BCAP29: variants seen among roughly 807,000 people sequenced by gnomAD.
BCAP29 encodes B-cell receptor-associated protein 29.
Under a neutral mutation model 31.8 loss-of-function variants are expected in BCAP29, and 34 were observed. The ratio of observed to expected loss-of-function variants is 1.07; its 90% CI spans 0.81 to 1.42. The LOEUF (loss-of-function observed/expected upper bound fraction) is 1.42, where lower values mean the gene tolerates loss of function less well. BCAP29 is among the 40% of genes most tolerant of loss of function. The pLI is 0.00. For synonymous variants in BCAP29, 104 were observed against 91.3 expected, an observed-to-expected ratio of 1.14 and a Z score of -0.79; for missense variants, 314 against 269.2, an observed-to-expected ratio of 1.17 and a Z score of -1.16.
At chr7:107,600,258 A>C (rs1337159790) in intron 5 of BCAP29, 139 bp from the exon 6 acceptor site, 1 of 685,592 alleles carries the variant, frequency 1.5e-6, no homozygotes, top group Non-Finnish European at 2.6e-6. Context: ...TACATTGTAG[A>C]AAACTATAAA....
intron 3 of BCAP29, among the ~76,000 whole-genome samples, chr7:107,588,153 GT>G (rs1237964978): frequency 1.3e-5 from 2 of 152,304 alleles, no homozygotes; most frequent in Non-Finnish European, 2.9e-5. Context: ...TTTAAAAGCT[GT>G]TTTATGTATA....
chr7:107,607,635 C>CTTTTTT (rs57817003), intron 6 of BCAP29, among the ~76,000 whole-genome samples: 8 of 132,602 alleles, frequency 6.0e-5, no homozygotes, highest in South Asian at 2.4e-4. Flanking sequence ...CTTTCTTTTT[C>CTTTTTT]TTTTTTTTTT....
intron 7 of BCAP29, among the ~76,000 whole-genome samples, chr7:107,617,733 G>T (rs1037643882): frequency 6.6e-6 from 1 of 152,184 alleles, no homozygotes; most frequent in Non-Finnish European, 1.5e-5. Context: ...TTAATGTTCA[G>T]CCTGAACAAG....
downstream of BCAP29, chr7:107,622,149 ACCT>A (rs1257467132): frequency 3.0e-6 from 1 of 337,796 alleles, no homozygotes; most frequent in African/African-American, 2.1e-5. Flanking sequence ...GACTATGACG[ACCT>A]CCTCATCTCC....
intron 5 of BCAP29, among the ~76,000 whole-genome samples, chr7:107,598,615 A>G (rs1210223067): frequency 6.6e-6 from 1 of 152,168 alleles, no homozygotes; most frequent in African/African-American, 2.4e-5. Context: ...CATTGTAAAA[A>G]TATTTGCATG....
intron 5 of BCAP29, 173 bp from the exon 6 acceptor site, chr7:107,600,224 A>T (rs1006694456): frequency 1.6e-6 from 1 of 645,012 alleles, no homozygotes. Context: ...TGTTTCCCAA[A>T]TATTAAGTTT....
chr7:107,614,779 G>A (rs1432950088), intron 7 of BCAP29, among the ~76,000 whole-genome samples: 1 of 152,176 alleles, frequency 6.6e-6, no homozygotes, highest in African/African-American at 2.4e-5. Flanking sequence ...GGACACTGAG[G>A]GCTCAGTTCA....
At chr7:107,585,807 G>A (rs1043908335) in intron 3 of BCAP29, among the ~76,000 whole-genome samples, 7 of 152,058 alleles carry the variant, frequency 4.6e-5, no homozygotes, top group Non-Finnish European at 5.9e-5. Context: ...CTTGGCCAAC[G>A]TGGTGAAACC....
chr7:107,610,747 A>C (rs1812970945), intron 6 of BCAP29, among the ~76,000 whole-genome samples: 1 of 152,218 alleles, frequency 6.6e-6, no homozygotes, highest in Middle Eastern at 3.2e-3. Flanking sequence ...AGAAACTCCT[A>C]GATAGGCTGT....
intron 1 of BCAP29, 161 bp from the exon 2 acceptor site, chr7:107,580,598 G>T: frequency 1.8e-6 from 1 of 545,076 alleles, no homozygotes; most frequent in South Asian, 2.5e-5. Context: ...CCGCTTCCCG[G>T]GCCACCCTTT....
intron 3 of BCAP29, chr7:107,587,541 T>C (rs558510276): frequency 6.6e-6 from 1 of 152,288 alleles, no homozygotes; most frequent in South Asian, 2.1e-4. Flanking sequence ...ATATATTATC[T>C]TTGTTGGTTT....
At chr7:107,580,713 T>A (rs1212299843) in intron 1 of BCAP29, 46 bp from the exon 2 acceptor site, 2 of 1,409,458 alleles carry the variant, frequency 1.4e-6, no homozygotes, top group Non-Finnish European at 9.8e-7. Flanking sequence ...TTGAACCCGG[T>A]TTTGTTTGAA....
chr7:107,583,682 T>C (rs1187660006), intron 2 of BCAP29, among the ~76,000 whole-genome samples, 200 bp from the exon 3 acceptor site: 2 of 152,120 alleles, frequency 1.3e-5, no homozygotes, highest in Non-Finnish European at 2.9e-5. Flanking sequence ...TAATCAAATA[T>C]CAGGTTATTA....
intron 2 of BCAP29, among the ~76,000 whole-genome samples, chr7:107,582,654 G>C (rs1316936389): frequency 6.6e-6 from 1 of 152,084 alleles, no homozygotes; most frequent in African/African-American, 2.4e-5. Flanking sequence ...AATTAAATGA[G>C]ATAAAACATG....
chr7:107,620,450 CATAA>C lies in BCAP29; in HGVS notation c.*2095_*2098del, dbSNP rs1288825379. ...TGGTGGTGTTTAGCAAATTGTATTA[CATAA>C]ATAAATATTTATTTCATGGATTGAG... is the stretch of plus-strand genomic sequence containing the variant. On this transcript the variant is annotated 3_prime_UTR_variant, in exon 8 of 8. Transcript: ENST00000005259. 1 of 152,296 alleles carries C rather than the reference CATAA, an allele frequency of 6.6e-6. No homozygotes were observed. The highest frequency in any genetic ancestry group is 2.4e-5 in the African/African-American group (1 of 41,554). 9.4% of individuals were successfully genotyped at this position (152,296 alleles called of 1,614,324 possible). A position where few individuals can be genotyped will look rare whatever the true frequency, so the allele number is the denominator to read the frequency against.
intron 3 of BCAP29, among the ~76,000 whole-genome samples, chr7:107,587,019 C>T (rs1048713251): frequency 3.9e-5 from 6 of 152,182 alleles, no homozygotes; most frequent in Non-Finnish European, 7.3e-5. Context: ...GCATGAGCCA[C>T]TGCACCCAGC....
Position 107,608,478 on chromosome 7 carries a change from GTT to G in BCAP29, c.590-4852_590-4851del, listed in dbSNP as rs1563139357. On this transcript the variant is annotated intron_variant, in intron 6 of 7. Transcript: ENST00000005259. The stretch of plus-strand genomic sequence containing the variant: ...TGGATATTTGTTTGTTTGTTTGTTT[GTT>G]TGTTTGTTTCATTTTTGGAGCACTT... Among the ~76,000 whole-genome samples, 64 of 152,006 alleles carry G rather than the reference GTT, an allele frequency of 4.2e-4. 1 individual carries two copies. The highest frequency in any genetic ancestry group is 3.4e-3 in the Middle Eastern group (1 of 294).
At chr7:107,582,742 C>G (rs889127433) in intron 2 of BCAP29, among the ~76,000 whole-genome samples, 1 of 152,102 alleles carries the variant, frequency 6.6e-6, no homozygotes, top group Non-Finnish European at 1.5e-5. Flanking sequence ...GCTAGTTGTT[C>G]CCTATGAGAG....
At chr7:107,609,331 CT>C (rs1315364993) in intron 6 of BCAP29, among the ~76,000 whole-genome samples, 4 of 152,258 alleles carry the variant, frequency 2.6e-5, no homozygotes, top group Non-Finnish European at 5.9e-5. Context: ...TTTCAGGGCA[CT>C]CTTAGAGGGT....
Sources: gnomAD v4.1 joint callset for allele counts (sites outside exome capture counted in the v4.1 genomes callset) on GRCh38, gnomAD v4.1.1 for gene constraint, MANE v1.5 for transcripts, NCBI Gene and HGNC (gene_info 2026-07-23, HGNC 2026-07-21) for gene names.